ASAP1: variants seen among roughly 807,000 people sequenced by gnomAD.
ASAP1 encodes ArfGAP with SH3 domain, ankyrin repeat and PH domain 1.
ASAP1 carries 43 observed loss-of-function variants against 145.2 expected under a neutral mutation model. The observed-to-expected ratio is 0.30, with a 90% CI of 0.23 to 0.38. ASAP1 has a LOEUF of 0.38. Among genes scored for constraint, ASAP1 ranks in the 10% least tolerant of loss-of-function variants. The pLI is 1.00. For missense variants in ASAP1, 1,018 were observed against 1,355.3 expected (o/e 0.75, Z 3.91); for synonymous variants, 546 against 515.5 (o/e 1.06, Z -0.80).
intron 1 of ASAP1, among the ~76,000 whole-genome samples, chr8:130,415,955 A>T (rs1279047369): frequency 6.6e-6 from 1 of 152,194 alleles, no homozygotes; most frequent in African/African-American, 2.4e-5. Flanking sequence ...ATTTCTTAGA[A>T]ATTTTACTGC....
At chr8:130,128,213 G>A in intron 15 of ASAP1, 123 bp from the exon 16 acceptor site, 1 of 606,486 alleles carries the variant, frequency 1.6e-6, no homozygotes. Context: ...TTCCAAAAGA[G>A]AAGCCCCCTT....
chr8:130,251,112 T>C (rs182527478), intron 3 of ASAP1, among the ~76,000 whole-genome samples: 2 of 152,302 alleles, frequency 1.3e-5, no homozygotes, highest in African/African-American at 4.8e-5. Context: ...AACACCAATA[T>C]AGAACACTAA....
intron 24 of ASAP1, among the ~76,000 whole-genome samples, chr8:130,107,183 C>CTTTTT (rs34978580): frequency 3.3e-5 from 4 of 119,654 alleles, no homozygotes; most frequent in Non-Finnish European, 3.3e-5. Flanking sequence ...TCTTCTTCTT[C>CTTTTT]TTTTTTTTTT....
rs375472618 is a variant in ASAP1, at chr8:130,070,462, T to G, written c.2701+5886A>C. Among the ~76,000 whole-genome samples, 62 of 152,294 alleles carry G rather than the reference T, an allele frequency of 4.1e-4. No individual in the cohort carries two copies. In the East Asian group the frequency reaches 0.011, roughly 26 times the overall value. ...TCTGCTCTCCAATATTAATTGGACA[T>G]GCCCAAGCCTGCAGAGTGCAGAGTA... On this transcript the variant is annotated intron_variant, in intron 27 of 29. Transcript: ENST00000518721.
chr8:130,419,259 C>T (rs574087770), intron 1 of ASAP1, among the ~76,000 whole-genome samples: 2 of 152,344 alleles, frequency 1.3e-5, no homozygotes, highest in African/African-American at 2.4e-5. Flanking sequence ...CCATGAAGTA[C>T]ATGTGCCCAC....
intron 23 of ASAP1, 131 bp from the exon 24 acceptor site, chr8:130,112,453 C>CA: frequency 1.5e-6 from 1 of 661,172 alleles, no homozygotes; most frequent in South Asian, 1.9e-5. Flanking sequence ...AGGTCAGCCA[C>CA]AATGAGCCTC....
chr8:130,132,763 A>C (rs1314917322), intron 15 of ASAP1, among the ~76,000 whole-genome samples: 1 of 152,192 alleles, frequency 6.6e-6, no homozygotes, highest in Non-Finnish European at 1.5e-5. Flanking sequence ...TAAATATTCA[A>C]ATAATGAATA....
At chr8:130,278,324 T>A (rs567203293) in intron 3 of ASAP1, among the ~76,000 whole-genome samples, 1 of 152,104 alleles carries the variant, frequency 6.6e-6, no homozygotes, top group Non-Finnish European at 1.5e-5. Context: ...TCTAGACATA[T>A]TTTATTAAAT....
At chr8:130,244,966 T>C (rs1387307406) in intron 3 of ASAP1, among the ~76,000 whole-genome samples, 3 of 152,010 alleles carry the variant, frequency 2.0e-5, no homozygotes, top group South Asian at 4.1e-4. Flanking sequence ...TACAGCAGTT[T>C]GAGGAGTTGA....
chr8:130,222,490 A>C (rs1817349676), intron 4 of ASAP1, among the ~76,000 whole-genome samples: 1 of 152,220 alleles, frequency 6.6e-6, no homozygotes, highest in Non-Finnish European at 1.5e-5. Context: ...AGAAAGGATT[A>C]GATCCCACTT....
chr8:130,401,042 G>T (rs546062740), intron 2 of ASAP1, among the ~76,000 whole-genome samples: 1 of 149,448 alleles, frequency 6.7e-6, no homozygotes, highest in African/African-American at 2.5e-5. Context: ...CACCACACCC[G>T]GCTAATTTTT....
chr8:130,084,318 A>G (rs1048573043), intron 25 of ASAP1: 2 of 152,232 alleles, frequency 1.3e-5, no homozygotes, highest in Non-Finnish European at 2.9e-5. Context: ...GCTAGAAAAA[A>G]TTCTGAAAAT....
intron 11 of ASAP1, among the ~76,000 whole-genome samples, chr8:130,165,789 C>T (rs965472717): frequency 1.3e-5 from 2 of 152,160 alleles, no homozygotes; most frequent in African/African-American, 2.4e-5. Context: ...AAAATAGAGG[C>T]TTATATTCAC....
At chr8:130,192,456 T>C (rs1194811516) in intron 5 of ASAP1, among the ~76,000 whole-genome samples, 2 of 152,132 alleles carry the variant, frequency 1.3e-5, no homozygotes, top group Non-Finnish European at 2.9e-5. Context: ...TGAAGATTAA[T>C]AGGACTCACC....
At chr8:130,062,510 T>C (rs2097421681) in intron 27 of ASAP1, among the ~76,000 whole-genome samples, 2 of 152,176 alleles carry the variant, frequency 1.3e-5, no homozygotes, top group Admixed American at 6.5e-5. Flanking sequence ...AGTCTGAAAT[T>C]GGCTAAGAAA....
intron 3 of ASAP1, among the ~76,000 whole-genome samples, chr8:130,262,848 G>T (rs1820022342): frequency 6.6e-6 from 1 of 152,062 alleles, no homozygotes; most frequent in African/African-American, 2.4e-5. Flanking sequence ...GGATTTCCTT[G>T]AATGACGCGC....
At position 130,354,033 on chromosome 8, in the gene ASAP1, G is replaced by A. The variant is rs147312270; in HGVS notation, c.186+3984C>T. On this transcript the variant is annotated intron_variant, in intron 3 of 29. Transcript: ENST00000518721. ...TCCTAAGTAGCTGGGACTACAAGGC[G>A]CCTGACAACACGCCCAGCTAATTTT... Among the ~76,000 whole-genome samples, 557 of 152,028 alleles carry A rather than the reference G, an allele frequency of 3.7e-3. 1 individual carries two copies. The highest frequency in any genetic ancestry group is 0.013 in the African/African-American group (522 of 41,490).
intron 15 of ASAP1, among the ~76,000 whole-genome samples, chr8:130,130,734 C>G (rs2097581643): frequency 6.6e-6 from 1 of 152,140 alleles, no homozygotes; most frequent in Non-Finnish European, 1.5e-5. Flanking sequence ...AAGACTGAAG[C>G]CAGATGATCT....
intron 1 of ASAP1, among the ~76,000 whole-genome samples, chr8:130,412,600 G>A (rs1829314004): frequency 6.6e-6 from 1 of 151,788 alleles, no homozygotes; most frequent in South Asian, 2.1e-4. Flanking sequence ...TTATAACAAT[G>A]CAAGAATGAC....
Sources: gnomAD v4.1 joint callset for allele counts (sites outside exome capture counted in the v4.1 genomes callset) on GRCh38, gnomAD v4.1.1 for gene constraint, MANE v1.5 for transcripts, NCBI Gene and HGNC (gene_info 2026-07-23, HGNC 2026-07-21) for gene names.